Variants in ZC3H12B observed in about 807,000 individuals in gnomAD.
ZC3H12B encodes the protein probable ribonuclease ZC3H12B.
A neutral mutation model predicts 43.9 loss-of-function variants in ZC3H12B; 7 were observed. The ratio of observed to expected loss-of-function variants is 0.16; its 90% CI spans 0.09 to 0.30. ZC3H12B has a LOEUF of 0.30. Among genes scored for constraint, ZC3H12B ranks in the 10% least tolerant of loss-of-function variants. ZC3H12B has a pLI of 1.00. For synonymous variants in ZC3H12B, 222 were observed against 241.7 expected, an observed-to-expected ratio of 0.92 and a Z score of 0.76; for missense variants, 475 against 670.2, an observed-to-expected ratio of 0.71 and a Z score of 3.22.
the ZC3H12B span, among the ~76,000 whole-genome samples, chrX:65,273,172 G>T: frequency 1.8e-5 from 2 of 112,256 alleles, no homozygotes; most frequent in African/African-American, 6.5e-5. Flanking sequence ...GCACTTACTT[G>T]AAATTATATT....
At chrX:65,160,320 A>G in the ZC3H12B span, among the ~76,000 whole-genome samples, 1 of 111,863 alleles carries the variant, frequency 8.9e-6, no homozygotes. Context: ...TGATTGGAAT[A>G]GTTTCAGAAG....
chrX:65,148,725 C>G, the ZC3H12B span, among the ~76,000 whole-genome samples: 5 of 111,879 alleles, frequency 4.5e-5, no homozygotes, highest in Admixed American at 4.7e-4. Context: ...ACTGTCTTTA[C>G]TGCCCTTTTA....
At chrX:65,167,651 G>A in the ZC3H12B span, among the ~76,000 whole-genome samples, 32 of 111,962 alleles carry the variant, frequency 2.9e-4, no homozygotes, top group Non-Finnish European at 4.5e-4. Context: ...CTGTTTTCAT[G>A]ATATTGATTC....
At chrX:65,478,039 C>T (rs1403369768) in intron 3 of ZC3H12B, among the ~76,000 whole-genome samples, 1 of 110,937 alleles carries the variant, frequency 9.0e-6, no homozygotes, top group East Asian at 2.8e-4. Context: ...AGTTATTGTC[C>T]TTTTCAACTT....
the ZC3H12B span, among the ~76,000 whole-genome samples, chrX:65,215,352 G>A: frequency 1.8e-5 from 2 of 111,740 alleles, no homozygotes; most frequent in Non-Finnish European, 3.8e-5. Flanking sequence ...TTTCAGTGTA[G>A]CCACCATCAT....
chrX:65,448,099 G>A (rs574961325), intron 3 of ZC3H12B, among the ~76,000 whole-genome samples: 1 of 110,775 alleles, frequency 9.0e-6, no homozygotes, highest in African/African-American at 3.3e-5. Context: ...GCCGGGTGTG[G>A]TGGTGGGCAC....
chrX:65,240,697 T>C, the ZC3H12B span, among the ~76,000 whole-genome samples: 1 of 112,516 alleles, frequency 8.9e-6, no homozygotes, highest in East Asian at 2.8e-4. Flanking sequence ...TTTTCATCCT[T>C]GTAGGCTTAT....
At chrX:65,224,861 AAGC>A in the ZC3H12B span, among the ~76,000 whole-genome samples, 1 of 112,067 alleles carries the variant, frequency 8.9e-6, no homozygotes, top group African/African-American at 3.2e-5. Context: ...TAGGTAAACA[AAGC>A]AGCCGGGAAG....
chrX:65,496,682 G>T (rs1014098643), intron 1 of ZC3H12B, among the ~76,000 whole-genome samples: 1 of 111,903 alleles, frequency 8.9e-6, no homozygotes, highest in African/African-American at 3.2e-5. Flanking sequence ...ATGGCTGGCC[G>T]CAGTGGCTTA....
At chrX:65,383,002 C>G (rs954646548) in intron 2 of ZC3H12B, among the ~76,000 whole-genome samples, 1 of 111,109 alleles carries the variant, frequency 9.0e-6, no homozygotes, top group Non-Finnish European at 1.9e-5. Flanking sequence ...TAGGAAGAAC[C>G]AATATCGTGA....
chrX:65,494,827 T>TAAAA (rs1205174299), intron 1 of ZC3H12B, among the ~76,000 whole-genome samples: 3 of 106,638 alleles, frequency 2.8e-5, no homozygotes, highest in African/African-American at 6.7e-5. Flanking sequence ...AATAAATAAA[T>TAAAA]AAAATATAAA....
chrX:65,320,913 A>G, the ZC3H12B span, among the ~76,000 whole-genome samples: 3 of 112,553 alleles, frequency 2.7e-5, no homozygotes, highest in Non-Finnish European at 5.6e-5. Flanking sequence ...TGAATTAAAG[A>G]CTTAAATGTA....
chrX:65,207,309 AG>A, the ZC3H12B span, among the ~76,000 whole-genome samples: 1 of 109,475 alleles, frequency 9.1e-6, no homozygotes, highest in African/African-American at 3.3e-5. Flanking sequence ...ACCCATAAAA[AG>A]GAATAAAATA....
the ZC3H12B span, among the ~76,000 whole-genome samples, chrX:65,276,832 G>A: frequency 9.0e-6 from 1 of 111,544 alleles, no homozygotes; most frequent in South Asian, 3.7e-4. Flanking sequence ...TGAGTAAAGA[G>A]CAAAAGGTGA....
chrX:65,228,119 A>G, the ZC3H12B span, among the ~76,000 whole-genome samples: 1 of 112,000 alleles, frequency 8.9e-6, no homozygotes, highest in Non-Finnish European at 1.9e-5. Flanking sequence ...ATGAACATTG[A>G]TGCAAAAATC....
the ZC3H12B span, among the ~76,000 whole-genome samples, chrX:65,340,130 C>T: frequency 2.6e-3 from 290 of 111,929 alleles, no homozygotes; most frequent in African/African-American, 8.5e-3. Context: ...CCTTCCCTCA[C>T]GTGAGTGACC....
At chrX:65,115,885 T>A in the ZC3H12B span, among the ~76,000 whole-genome samples, 3 of 111,511 alleles carry the variant, frequency 2.7e-5, no homozygotes, top group African/African-American at 9.8e-5. Context: ...GTCCTTTCCT[T>A]ACTTTTTTGA....
chrX:65,197,723 T>C, the ZC3H12B span, among the ~76,000 whole-genome samples: 1 of 112,386 alleles, frequency 8.9e-6, no homozygotes, highest in East Asian at 2.8e-4. Flanking sequence ...TGTTTACTGA[T>C]GGGTCTGGTA....
At chrX:65,450,922 C>CAT (rs756737804) in intron 3 of ZC3H12B, among the ~76,000 whole-genome samples, 6 of 91,518 alleles carry the variant, frequency 6.6e-5, no homozygotes, top group South Asian at 9.8e-4. Flanking sequence ...CACACACACA[C>CAT]ATATATATAT....
Sources: gnomAD v4.1 joint callset for allele counts (sites outside exome capture counted in the v4.1 genomes callset) on GRCh38, gnomAD v4.1.1 for gene constraint, MANE v1.5 for transcripts, NCBI Gene and HGNC (gene_info 2026-07-23, HGNC 2026-07-21) for gene names.